The following IQGAP3 variants were observed in gnomAD, a reference collection of about 807,000 sequenced individuals.
The protein encoded by IQGAP3 is IQ motif containing GTPase activating protein 3.
A neutral mutation model predicts 208.2 loss-of-function variants in IQGAP3; 165 were observed. That is an observed-to-expected ratio of 0.79 (90% CI 0.70 to 0.90). The LOEUF (loss-of-function observed/expected upper bound fraction) is 0.90, where lower values mean the gene tolerates loss of function less well. Ranked by LOEUF, IQGAP3 falls within the 40% of genes least tolerant of loss-of-function variation. The pLI, the probability that IQGAP3 is intolerant of heterozygous loss-of-function variation, is 0.00. For missense variants in IQGAP3, 1,811 were observed against 2,043.1 expected (o/e 0.89, Z 2.19); for synonymous variants, 703 against 803.6 (o/e 0.87, Z 2.12).
intron 2 of IQGAP3, among the ~76,000 whole-genome samples, chr1:156,567,427 C>T (rs900491590): frequency 6.6e-6 from 1 of 152,202 alleles, no homozygotes. Flanking sequence ...GCCTCAGTTG[C>T]ACAATTTGCA....
chr1:156,540,091 C>T, intron 23 of IQGAP3, 101 bp from the exon 24 acceptor site: 2 of 1,361,996 alleles, frequency 1.5e-6, no homozygotes, highest in East Asian at 2.3e-5. Flanking sequence ...GGGCTTTCTG[C>T]TGTTCAAGGA....
chr1:156,563,427 A>C, intron 7 of IQGAP3, 115 bp from the exon 8 acceptor site: 1 of 1,354,016 alleles, frequency 7.4e-7, no homozygotes, highest in Non-Finnish European at 1.0e-6. Flanking sequence ...GGGCCAGACA[A>C]ACCAGGTAGC....
chr1:156,552,385 C>T (rs1675597564), intron 13 of IQGAP3, among the ~76,000 whole-genome samples: 1 of 152,152 alleles, frequency 6.6e-6, no homozygotes, highest in Admixed American at 6.5e-5. Context: ...CTCCCGAAAG[C>T]ACACCTCCAG....
At chr1:156,540,988 G>C in intron 22 of IQGAP3, 72 bp from the exon 23 acceptor site, 3 of 1,259,764 alleles carry the variant, frequency 2.4e-6, no homozygotes, top group Non-Finnish European at 3.5e-6. Context: ...CCCTGCCCGA[G>C]TCAGCCCACC....
intron 36 of IQGAP3, 47 bp from the exon 37 acceptor site, chr1:156,528,107 G>T: frequency 7.1e-7 from 1 of 1,416,558 alleles, no homozygotes; most frequent in Non-Finnish European, 1.0e-6. Flanking sequence ...CTCTTTCCAG[G>T]GCTACAGCCA....
Position 156,540,906 on chromosome 1 carries a change from G to T in IQGAP3, c.2541C>A (p.Pro847=). 5 of 1,613,658 alleles carry T rather than the reference G, an allele frequency of 3.1e-6. No homozygotes were observed. The highest frequency in any genetic ancestry group is 4.2e-6 in the Non-Finnish European group (5 of 1,179,906). The change falls in exon 23 of 38, where the codon CCC becomes CCA. Residue 847 remains proline (P), a synonymous_variant. Transcript: ENST00000361170. The stretch of plus-strand genomic sequence containing the variant: ...TGCGTACCACACTGAGAGGAGGGTG[G>T]GGTGCATGCACTGGGAGGAAGGGAG... ...QDDYRILVHA[P]HPPLSVVRRF... is the part of the protein sequence containing the mutation.
intron 25 of IQGAP3, 136 bp downstream of exon 25, chr1:156,539,238 A>T: frequency 1.1e-6 from 1 of 922,290 alleles, no homozygotes; most frequent in Non-Finnish European, 1.6e-6. Context: ...CGGTTTCTCC[A>T]CAGGAGGTAG....
chr1:156,541,437 C>T (rs1474944919), intron 22 of IQGAP3, among the ~76,000 whole-genome samples: 2 of 152,040 alleles, frequency 1.3e-5, no homozygotes, highest in Non-Finnish European at 2.9e-5. Flanking sequence ...GAGGTCAGAG[C>T]TAGCTGGTGA....
At chr1:156,570,779 G>A (rs1676612314) in intron 1 of IQGAP3, among the ~76,000 whole-genome samples, 1 of 152,168 alleles carries the variant, frequency 6.6e-6, no homozygotes, top group Non-Finnish European at 1.5e-5. Flanking sequence ...CAAAGTGCTG[G>A]GATTACAGGC....
rs144540913 is a variant in IQGAP3 at position 156,556,774 on chromosome 1, G to A, written c.1130-81C>T. On this transcript the variant is annotated intron_variant, in intron 11 of 37. Transcript: ENST00000361170. ...CTCTCCTCACCAACTAGGCTCCGCC[G>A]GGGGATCTTGGTGGGGAAATGGCTT... 2.4e-4 allele frequency: 307 copies of A among 1,288,352 alleles called. 1 individual carries two copies. The East Asian group carries it at 6.3e-3, about 26-fold the overall frequency. The allele number at this position is 1,288,352 out of a possible 1,614,324, so 79.8% of individuals were successfully genotyped here. A position where few individuals can be genotyped will look rare whatever the true frequency, so the allele number is the denominator to read the frequency against.
chr1:156,548,006 C>T, intron 19 of IQGAP3, 67 bp downstream of exon 19: 1 of 1,390,136 alleles, frequency 7.2e-7, no homozygotes, highest in South Asian at 1.4e-5. Flanking sequence ...AAAAAGGAAG[C>T]AGCGTGGATA....
At chr1:156,562,747 TTTC>T (rs1199716821) in intron 8 of IQGAP3, 82 bp from the exon 9 acceptor site, 1 of 1,243,034 alleles carries the variant, frequency 8.0e-7, no homozygotes, top group Non-Finnish European at 1.2e-6. Context: ...GCTACACTTA[TTTC>T]TTCTTCTGGG....
chr1:156,532,536 T>C (rs1674459892), intron 32 of IQGAP3, among the ~76,000 whole-genome samples: 1 of 151,712 alleles, frequency 6.6e-6, no homozygotes, highest in Non-Finnish European at 1.5e-5. Flanking sequence ...TTTCTAAGAA[T>C]AAACGATAAC....
chr1:156,563,700 C>T (rs939051952), intron 6 of IQGAP3, 34 bp from the exon 7 acceptor site: 2 of 1,609,542 alleles, frequency 1.2e-6, no homozygotes, highest in Non-Finnish European at 8.5e-7. Context: ...TTCATCAGGC[C>T]CAGAACCCCC....
At chr1:156,529,212 G>C in intron 34 of IQGAP3, 130 bp from the exon 35 acceptor site, 2 of 1,003,756 alleles carry the variant, frequency 2.0e-6, no homozygotes, top group Non-Finnish European at 3.0e-6. Context: ...TGTTTTCCTA[G>C]AAGGAAAATC....
chr1:156,527,077 C>T (rs980466625), intron 37 of IQGAP3, among the ~76,000 whole-genome samples: 18 of 151,576 alleles, frequency 1.2e-4, no homozygotes, highest in Admixed American at 1.1e-3. Context: ...GTGATCCGCC[C>T]GCCTCGGCCT....
rs1479335830 is a variant in IQGAP3, at chr1:156,566,119, A to T, written c.283-15T>A. The T allele has an allele frequency of 6.2e-7, 1 of 1,610,284 alleles. No homozygotes were observed. The highest frequency in any genetic ancestry group is 8.5e-7 in the Non-Finnish European group (1 of 1,176,546). The stretch of plus-strand genomic sequence containing the variant: ...AAGCCAGTTGCCTGAAAGGGAAGGA[A>T]AAAGAAAATCTATTTCCACAGTTCT... On this transcript the variant is annotated splice_polypyrimidine_tract_variant and intron_variant, in intron 3 of 37. Coordinates refer to ENST00000361170, the MANE Select transcript of IQGAP3 (RefSeq NM_178229.5).
intron 12 of IQGAP3, among the ~76,000 whole-genome samples, chr1:156,555,741 T>C (rs1212976891): frequency 1.3e-5 from 2 of 152,240 alleles, no homozygotes; most frequent in Non-Finnish European, 2.9e-5. Flanking sequence ...GTAATTAACT[T>C]GCCCAATGTC....
At chr1:156,535,140 G>C (rs1289344307) in intron 28 of IQGAP3, 23 bp downstream of exon 28, 3 of 1,549,914 alleles carry the variant, frequency 1.9e-6, no homozygotes, top group Non-Finnish European at 1.8e-6. Flanking sequence ...ATTGGGAGGT[G>C]GGGGTGGGGA....
Sources: gnomAD v4.1 joint callset for allele counts (sites outside exome capture counted in the v4.1 genomes callset) on GRCh38, gnomAD v4.1.1 for gene constraint, MANE v1.5 for transcripts, NCBI Gene and HGNC (gene_info 2026-07-23, HGNC 2026-07-21) for gene names.